The following DACH1 variants were observed in gnomAD, a reference collection of about 807,000 sequenced individuals.
DACH1 encodes the protein dachshund homolog 1.
DACH1 carries 12 observed loss-of-function variants against 54.2 expected under a neutral mutation model. That is an observed-to-expected ratio of 0.22 (90% CI 0.14 to 0.36). DACH1 has a LOEUF of 0.36. DACH1 is among the 10% of genes least tolerant of loss of function. The probability of loss-of-function intolerance (pLI) is 1.00; values close to 1 mark genes in which losing one functional copy is unlikely to be tolerated. For missense variants in DACH1, 805 were observed against 929.8 expected (o/e 0.87, Z 1.75); for synonymous variants, 386 against 366.2 (o/e 1.05, Z -0.62).
intron 1 of DACH1, among the ~76,000 whole-genome samples, chr13:71,748,840 TTTTCTC>T (rs1320057598): frequency 1.4e-5 from 2 of 146,134 alleles, no homozygotes; most frequent in South Asian, 2.3e-4. Context: ...AAAAAATATT[TTTTCTC>T]TTTCTTTCTT....
At chr13:71,491,539 G>A (rs111903715) in intron 6 of DACH1, among the ~76,000 whole-genome samples, 2 of 152,032 alleles carry the variant, frequency 1.3e-5, no homozygotes, top group Admixed American at 6.6e-5. Context: ...CTTACATAGC[G>A]AAGAGACTAC....
intron 1 of DACH1, among the ~76,000 whole-genome samples, chr13:71,810,092 A>G (rs1005974501): frequency 4.6e-5 from 7 of 152,194 alleles, no homozygotes; most frequent in African/African-American, 7.2e-5. Context: ...AATGTTACCA[A>G]TTTCACAAAT....
intron 1 of DACH1, among the ~76,000 whole-genome samples, chr13:71,781,320 C>A (rs1313406773): frequency 6.6e-6 from 1 of 151,810 alleles, no homozygotes; most frequent in African/African-American, 2.4e-5. Context: ...GTTGCCATGC[C>A]AACACTAGGT....
intron 1 of DACH1, among the ~76,000 whole-genome samples, chr13:71,801,818 A>G (rs1370893985): frequency 6.6e-6 from 1 of 151,922 alleles, no homozygotes; most frequent in Non-Finnish European, 1.5e-5. Context: ...ACAGAATTAC[A>G]ATGTTCTTTA....
chr13:71,725,327 T>C (rs922962746), intron 1 of DACH1, among the ~76,000 whole-genome samples: 3 of 152,106 alleles, frequency 2.0e-5, no homozygotes, highest in African/African-American at 7.2e-5. Context: ...AGAGAGAAAG[T>C]AAATAGAAAT....
intron 2 of DACH1, among the ~76,000 whole-genome samples, chr13:71,648,206 A>G (rs1354011618): frequency 6.6e-6 from 1 of 152,152 alleles, no homozygotes; most frequent in Non-Finnish European, 1.5e-5. Flanking sequence ...ACACCAAAAA[A>G]CTGGTCATCT....
intron 6 of DACH1, among the ~76,000 whole-genome samples, chr13:71,513,044 A>T (rs1880901251): frequency 6.6e-6 from 1 of 151,948 alleles, no homozygotes; most frequent in African/African-American, 2.4e-5. Context: ...ATATGCACAG[A>T]ACTTAGAAAT....
intron 6 of DACH1, among the ~76,000 whole-genome samples, chr13:71,527,372 G>A (rs1030915721): frequency 1.4e-4 from 21 of 152,126 alleles, no homozygotes; most frequent in Admixed American, 4.6e-4. Flanking sequence ...ATTGCCAAAT[G>A]TAAGTCATTT....
intron 2 of DACH1, among the ~76,000 whole-genome samples, chr13:71,639,871 C>A (rs1877763348): frequency 6.6e-6 from 1 of 152,034 alleles, no homozygotes. Context: ...GAACTTGGCA[C>A]TATGAGGTCT....
intron 6 of DACH1, among the ~76,000 whole-genome samples, chr13:71,495,153 A>G (rs1001023616): frequency 6.6e-6 from 1 of 152,076 alleles, no homozygotes; most frequent in Non-Finnish European, 1.5e-5. Context: ...TCACTTCTAG[A>G]AAAGCACACA....
chr13:71,673,118 G>A (rs1189140342), intron 2 of DACH1, among the ~76,000 whole-genome samples: 2 of 152,134 alleles, frequency 1.3e-5, no homozygotes, highest in African/African-American at 4.8e-5. Flanking sequence ...AAACCTGGAA[G>A]AGAGAAATAA....
rs375142579 is a variant in DACH1, at chr13:71,800,495, G to A, written c.848+65427C>T. Among the ~76,000 whole-genome samples, 5 of 152,156 alleles carry A rather than the reference G, an allele frequency of 3.3e-5. No homozygotes were observed. The South Asian group carries it at 6.2e-4, about 19-fold the overall frequency. ...TGAACTTCTTTCTAGATTTTTAAGT[G>A]TAGTGATAACATTTGCTCTTTTACA... On this transcript the variant is annotated intron_variant, in intron 1 of 10. Transcript: ENST00000613252.
chr13:71,655,527 T>C (rs1879036002), intron 2 of DACH1, among the ~76,000 whole-genome samples: 1 of 151,710 alleles, frequency 6.6e-6, no homozygotes, highest in East Asian at 1.9e-4. Context: ...CCCGCCACCA[T>C]GCCCGGCTAA....
intron 6 of DACH1, among the ~76,000 whole-genome samples, chr13:71,522,954 C>T (rs1276724597): frequency 6.6e-6 from 1 of 152,140 alleles, no homozygotes; most frequent in Non-Finnish European, 1.5e-5. Context: ...ACTGTAAGGA[C>T]ACCAAATCCT....
In DACH1 at chr13:71,476,678, A is replaced by T. The variant is rs1264973787; in HGVS notation, c.1871-829T>A. 7.9e-5 allele frequency among the ~76,000 whole-genome samples: 12 copies of T among 152,076 alleles called. No individual in the cohort carries two copies. The East Asian group carries it at 2.1e-3, about 27-fold the overall frequency. On this transcript the variant is annotated intron_variant, in intron 8 of 10. Transcript: ENST00000613252. ...TTATGAAACATTTTTCTCCAACTGG[A>T]CAATTTAAATATTTGTATATGATAC...
At chr13:71,727,523 TTGA>T (rs1452212043) in intron 1 of DACH1, among the ~76,000 whole-genome samples, 1 of 152,122 alleles carries the variant, frequency 6.6e-6, no homozygotes, top group Non-Finnish European at 1.5e-5. Flanking sequence ...TAATATGGCA[TTGA>T]TGATATTTCC....
At chr13:71,816,480 A>C (rs1330684761) in intron 1 of DACH1, among the ~76,000 whole-genome samples, 1 of 151,712 alleles carries the variant, frequency 6.6e-6, no homozygotes, top group Non-Finnish European at 1.5e-5. Context: ...CACTAGTCAC[A>C]ATAGCAAATA....
At chr13:71,582,000 G>A (rs776008678) in intron 3 of DACH1, among the ~76,000 whole-genome samples, 1 of 152,164 alleles carries the variant, frequency 6.6e-6, no homozygotes, top group Non-Finnish European at 1.5e-5. Flanking sequence ...GGAAGAAAAG[G>A]AGATGCCCAG....
chr13:71,547,594 A>G (rs1883542069), intron 6 of DACH1, among the ~76,000 whole-genome samples: 1 of 152,150 alleles, frequency 6.6e-6, no homozygotes, highest in Non-Finnish European at 1.5e-5. Flanking sequence ...CTCTAGGAAT[A>G]ATTTGTCAAA....
Sources: gnomAD v4.1 joint callset for allele counts (sites outside exome capture counted in the v4.1 genomes callset) on GRCh38, gnomAD v4.1.1 for gene constraint, MANE v1.5 for transcripts, NCBI Gene and HGNC (gene_info 2026-07-23, HGNC 2026-07-21) for gene names.